The following GAB1 variants were observed in gnomAD, a reference collection of about 807,000 sequenced individuals.
GAB1 encodes the protein GRB2-associated-binding protein 1.
Under a neutral mutation model 66.5 loss-of-function variants are expected in GAB1, and 19 were observed. The observed-to-expected ratio is 0.29, with a 90% confidence interval of 0.20 to 0.42. GAB1 has a LOEUF of 0.42. Ranked by LOEUF, GAB1 falls within the 10% of genes least tolerant of loss-of-function variation. The pLI, the probability that GAB1 is intolerant of heterozygous loss-of-function variation, is 1.00. For missense variants in GAB1, 732 were observed against 858.5 expected (o/e 0.85, Z 1.84); for synonymous variants, 294 against 301.4 (o/e 0.98, Z 0.25).
intron 6 of GAB1, among the ~76,000 whole-genome samples, chr4:143,458,040 T>A (rs1735286492): frequency 6.6e-6 from 1 of 152,150 alleles, no homozygotes; most frequent in South Asian, 2.1e-4. Context: ...AGACAACATT[T>A]TATCCTTTCA....
intron 6 of GAB1, among the ~76,000 whole-genome samples, chr4:143,447,177 A>G (rs1458919319): frequency 2.0e-5 from 3 of 152,192 alleles, no homozygotes; most frequent in South Asian, 2.1e-4. Context: ...TACCAGTACC[A>G]TGCTGTTTTG....
At chr4:143,377,348 G>A (rs1409978414) in intron 1 of GAB1, among the ~76,000 whole-genome samples, 1 of 152,102 alleles carries the variant, frequency 6.6e-6, no homozygotes, top group African/African-American at 2.4e-5. Flanking sequence ...CTTTTGTTGG[G>A]GGGAGGGTTT....
rs541012867 is a variant in GAB1, at chr4:143,374,637, G to C, written c.72+37377G>C. ...AGGTTTACTATCTGTGGCTATCACA[G>C]GGTTCACATGGGCATCATTGTCCAA... On this transcript the variant is annotated intron_variant, in intron 1 of 9. Transcript: ENST00000262994. Among the ~76,000 whole-genome samples, 4 of 152,272 alleles carry C rather than the reference G, an allele frequency of 2.6e-5. No homozygotes were observed. The East Asian group carries it at 7.7e-4, about 29-fold the overall frequency.
chr4:143,342,543 C>CTTTT lies in GAB1; in HGVS notation c.72+5307_72+5310dup, dbSNP rs5862632. Among the ~76,000 whole-genome samples, 22 of 62,494 alleles carry CTTTT rather than the reference C, an allele frequency of 3.5e-4. 2 individuals are homozygous for CTTTT. Among genetic ancestry groups the CTTTT allele is most frequent in the African/African-American group, 1.1e-3 (18 of 15,972 alleles). The allele number at this position is 62,494 out of a possible 152,430, so 41.0% of individuals were successfully genotyped here. ...GAGAAAGTTTCAGAGGTGATAGATT[C>CTTTT]TTTTTTTTTTTTTTTTTTTTTTTTT... On this transcript the variant is annotated intron_variant, in intron 1 of 9. Transcript: ENST00000262994.
In GAB1 at chr4:143,470,507, G is replaced by T. The variant is rs1560794481; in HGVS notation, c.*1318G>T. On this transcript the variant is annotated 3_prime_UTR_variant, in exon 10 of 10. Coordinates refer to ENST00000262994, the MANE Select transcript of GAB1 (RefSeq NM_002039.4). ...AACACCAGAGGGATGGTATAATTCTGTCTCACCTATAACATGGTCCTGTGA... is the reference window on the plus strand; with the variant it reads ...AACACCAGAGGGATGGTATAATTCTTTCTCACCTATAACATGGTCCTGTGA... 6.6e-6 allele frequency: 1 copy of T among 152,170 alleles called. No individual in the cohort carries two copies. The highest frequency in any genetic ancestry group is 2.4e-5 in the African/African-American group (1 of 41,442). 9.4% of individuals were successfully genotyped at this position (152,170 alleles called of 1,614,324 possible). A position where few individuals can be genotyped will look rare whatever the true frequency, so the allele number is the denominator to read the frequency against.
chr4:143,340,403 G>A (rs561656284), intron 1 of GAB1, among the ~76,000 whole-genome samples: 1 of 152,158 alleles, frequency 6.6e-6, no homozygotes, highest in South Asian at 2.1e-4. Flanking sequence ...TTGGCCCATG[G>A]GACTTTGACA....
chr4:143,435,713 C>G (rs1472277379), intron 3 of GAB1, among the ~76,000 whole-genome samples: 4 of 152,080 alleles, frequency 2.6e-5, no homozygotes, highest in South Asian at 4.1e-4. Context: ...GATATAGTCA[C>G]CTTTGGAGTT....
intron 1 of GAB1, among the ~76,000 whole-genome samples, chr4:143,373,074 C>CACACACACAT (rs1453672647): frequency 6.8e-6 from 1 of 146,374 alleles, no homozygotes; most frequent in African/African-American, 2.5e-5. Flanking sequence ...CACACACACA[C>CACACACACAT]ACACATCTGT....
chr4:143,415,575 T>C lies in GAB1; in HGVS notation c.171T>C (p.Ile57=). Residue 57 remains isoleucine, a synonymous_variant, in exon 2 of 10, where the codon ATT becomes ATC. Coordinates refer to ENST00000262994, the MANE Select transcript of GAB1 (RefSeq NM_002039.4). ...AAAATGATCATGCCAAGAAGCCTAT[T>C]CGTATTATTGATTTAAATTTATGTC... ...YYKNDHAKKP[I]RIIDLNLCQQ... 1 of 1,613,692 alleles carries C rather than the reference T, an allele frequency of 6.2e-7. No homozygotes were observed. The highest frequency in any genetic ancestry group is 8.5e-7 in the Non-Finnish European group (1 of 1,179,584).
intron 6 of GAB1, among the ~76,000 whole-genome samples, chr4:143,457,363 C>T (rs867227063): frequency 1.1e-4 from 17 of 152,250 alleles, no homozygotes; most frequent in Middle Eastern, 3.4e-3. Context: ...TAACATGGCA[C>T]ATATTTTCCC....
At position 143,473,176 on chromosome 4, in the gene GAB1, T is replaced by C. The variant is rs1195549416; in HGVS notation, c.*3987T>C. ...TTTTATGTAAGTTCTTGATTACTGATGATCATCCCAAATTTTGACAACAAA... is the reference window on the plus strand; with the variant it reads ...TTTTATGTAAGTTCTTGATTACTGACGATCATCCCAAATTTTGACAACAAA... On this transcript the variant is annotated 3_prime_UTR_variant, in exon 10 of 10. Coordinates refer to ENST00000262994, the MANE Select transcript of GAB1 (RefSeq NM_002039.4). The C allele has an allele frequency of 6.6e-6, 1 of 152,222 alleles. No individual in the cohort carries two copies. Among genetic ancestry groups the C allele is most frequent in the Non-Finnish European group, 1.5e-5 (1 of 68,032 alleles). The allele number at this position is 152,222 out of a possible 1,614,324, so 9.4% of individuals were successfully genotyped here.
chr4:143,409,859 GTGTT>G (rs1331060305), intron 1 of GAB1, among the ~76,000 whole-genome samples: 10 of 152,124 alleles, frequency 6.6e-5, no homozygotes, highest in African/African-American at 2.2e-4. Context: ...GAAAGGACCT[GTGTT>G]TGTTTTGTTT....
At chr4:143,411,232 G>T (rs1388470636) in intron 1 of GAB1, among the ~76,000 whole-genome samples, 1 of 152,166 alleles carries the variant, frequency 6.6e-6, no homozygotes, top group East Asian at 1.9e-4. Context: ...CAGTCACTGA[G>T]CATAGGGAAT....
intron 1 of GAB1, among the ~76,000 whole-genome samples, chr4:143,412,175 G>C (rs898208940): frequency 2.0e-5 from 3 of 152,304 alleles, no homozygotes; most frequent in South Asian, 2.1e-4. Context: ...GAATGGATGG[G>C]GGGGAGCCAC....
rs761019037 is a variant in GAB1 at position 143,337,391 on chromosome 4, C to T, written c.72+131C>T. On this transcript the variant is annotated intron_variant, in intron 1 of 9. Transcript: ENST00000262994. ...CGAATGCCGGTCTCTTTCCCCTTGG[C>T]CCCTACCCCTGGCGGGCTCGGGACA... is the stretch of plus-strand genomic sequence containing the variant. 7.2e-5 allele frequency: 55 copies of T among 768,388 alleles called. 1 individual carries two copies. The highest frequency in any genetic ancestry group is 1.6e-4 in the Admixed American group (7 of 42,518). The allele number at this position is 768,388 out of a possible 1,614,324, so 47.6% of individuals were successfully genotyped here.
Position 143,454,468 on chromosome 4 carries a change from A to C in GAB1, c.1586-4917A>C, listed in dbSNP as rs1464453584. 2.0e-5 allele frequency among the ~76,000 whole-genome samples: 3 copies of C among 152,346 alleles called. No individual in the cohort carries two copies. The East Asian group carries it at 5.8e-4, about 29-fold the overall frequency. On this transcript the variant is annotated intron_variant, in intron 6 of 9. Transcript: ENST00000262994. ...CAAAGAGGAGGTTGGGAGTTTTATT[A>C]GAAAGAGAAATCTTAAGTATTGTTT...
chr4:143,440,459 A>G, intron 6 of GAB1, 77 bp downstream of exon 6: 1 of 1,347,968 alleles, frequency 7.4e-7, no homozygotes, highest in East Asian at 2.4e-5. Flanking sequence ...TAAATCCAAA[A>G]TAGAATTTGG....
At chr4:143,338,955 A>G (rs1231359645) in intron 1 of GAB1, among the ~76,000 whole-genome samples, 1 of 152,250 alleles carries the variant, frequency 6.6e-6, no homozygotes. Flanking sequence ...GTCACAAAAT[A>G]CAGTAGGAAA....
chr4:143,425,589 C>G, intron 2 of GAB1: 1 of 762,890 alleles, frequency 1.3e-6, no homozygotes, highest in Non-Finnish European at 2.4e-6. Context: ...TCGGGAAGTT[C>G]TGCGCGTGCG....
Sources: gnomAD v4.1 joint callset for allele counts (sites outside exome capture counted in the v4.1 genomes callset) on GRCh38, gnomAD v4.1.1 for gene constraint, MANE v1.5 for transcripts, NCBI Gene and HGNC (gene_info 2026-07-23, HGNC 2026-07-21) for gene names.